The following MIB1 variants were observed in gnomAD, a reference collection of about 807,000 sequenced individuals.
MIB1 encodes the protein MIB E3 ubiquitin protein ligase 1.
Under a neutral mutation model 124.5 loss-of-function variants are expected in MIB1, and 278 were observed. That is an observed-to-expected ratio of 2.23 (90% confidence interval 2.02 to 2.47). MIB1 has a LOEUF of 2.47. Among genes scored for constraint, MIB1 ranks in the 30% most tolerant of loss-of-function variants. The probability of loss-of-function intolerance (pLI) is 0.00; values close to 1 mark genes in which losing one functional copy is unlikely to be tolerated. For missense variants in MIB1, 957 were observed against 1,254.4 expected, an observed-to-expected ratio of 0.76 and a Z score of 3.58; for synonymous variants, 446 against 429.4, an observed-to-expected ratio of 1.04 and a Z score of -0.48.
chr18:21,815,535 C>T, intron 10 of MIB1, 81 bp from the exon 11 acceptor site: 1 of 1,239,252 alleles, frequency 8.1e-7, no homozygotes, highest in Non-Finnish European at 1.1e-6. Context: ...AATTAATCTG[C>T]TTCTTGGTAT....
chr18:21,707,986 C>G (rs930540281), intron 1 of MIB1, among the ~76,000 whole-genome samples: 2 of 152,100 alleles, frequency 1.3e-5, no homozygotes, highest in African/African-American at 2.4e-5. Flanking sequence ...TCAGGAAGCT[C>G]TGATGTCTCT....
chr18:21,811,205 A>G (rs776927039), intron 10 of MIB1, among the ~76,000 whole-genome samples: 9 of 152,158 alleles, frequency 5.9e-5, no homozygotes, highest in Non-Finnish European at 1.0e-4. Context: ...GCTGTTATCA[A>G]AACAACCAGA....
intron 1 of MIB1, among the ~76,000 whole-genome samples, chr18:21,706,954 A>G (rs983201758): frequency 1.3e-5 from 2 of 152,212 alleles, no homozygotes; most frequent in Admixed American, 6.5e-5. Context: ...TGTGGGATCC[A>G]CTAGGTGAAG....
chr18:21,821,511 C>T (rs540823798), intron 12 of MIB1, among the ~76,000 whole-genome samples: 1 of 152,044 alleles, frequency 6.6e-6, no homozygotes, highest in Non-Finnish European at 1.5e-5. Context: ...TCTTAACCGT[C>T]TTTCTTCCAG....
chr18:21,791,480 G>A lies in MIB1; in HGVS notation c.1015G>A (p.Val339Ile). 4.3e-6 allele frequency: 7 copies of A among 1,614,096 alleles called. No individual in the cohort carries two copies. Among genetic ancestry groups the A allele is most frequent in the Non-Finnish European group, 5.1e-6 (6 of 1,179,984 alleles). ...GTSQFQVGDL[V>I]QVCYDLERIK... ...CTCGCAGTTTCAAGTGGGTGATCTT[G>A]TACAAGTTTGTTATGACCTGGAACG... The change falls in exon 7 of 21, where the codon GTA becomes ATA. Residue 339 changes from valine (V) to isoleucine (I), a missense_variant. Transcript: ENST00000261537.
At position 21,743,267 on chromosome 18, in the gene MIB1, G is replaced by A. The variant is rs907759883; in HGVS notation, c.229+1455G>A. Among the ~76,000 whole-genome samples, 74 of 152,166 alleles carry A rather than the reference G, an allele frequency of 4.9e-4. 3 individuals carry two copies. Among genetic ancestry groups the A allele is most frequent in the Non-Finnish European group, 1.2e-4 (8 of 68,036 alleles). On this transcript the variant is annotated intron_variant, in intron 1 of 20. Coordinates refer to ENST00000261537, the MANE Select transcript of MIB1 (RefSeq NM_020774.4). ...ATCTAATCCCCTTTTAAGTGCAAAT[G>A]ATAATAAACTATATTCACTCCTCTG...
chr18:21,767,533 T>G (rs2041175772), intron 2 of MIB1, among the ~76,000 whole-genome samples: 1 of 152,056 alleles, frequency 6.6e-6, no homozygotes, highest in South Asian at 2.1e-4. Context: ...ACTCTTAAAT[T>G]TTTGAATAAT....
rs747629995 is a variant in MIB1, at chr18:21,857,150, A to T, written c.2686A>T (p.Lys896Ter). ...TCCAGACTGTGCTAACCTGATGAAAAAGTGTGTGCAGTGTCGAGCAGTAGT... is the reference window on the plus strand; with the variant it reads ...TCCAGACTGTGCTAACCTGATGAAATAGTGTGTGCAGTGTCGAGCAGTAGT... ...ACENCANLMK[K>*]CVQCRAVVER... The change falls in exon 19 of 21, where the codon AAG (lysine) becomes TAG (stop). Residue 896 changes from lysine (K) to a stop codon, truncating the protein, a stop_gained. Transcript: ENST00000261537. LOFTEE classifies it high-confidence loss of function. 6.2e-7 allele frequency: 1 copy of T among 1,614,062 alleles called. No homozygotes were observed.
chr18:21,818,795 C>T (rs1326042681), intron 11 of MIB1, among the ~76,000 whole-genome samples: 1 of 152,010 alleles, frequency 6.6e-6, no homozygotes, highest in Non-Finnish European at 1.5e-5. Flanking sequence ...ATTAGCTGGG[C>T]ATGGTGGTGG....
rs1004382497 is a variant in MIB1, at chr18:21,868,065, T to G, written c.*3399T>G. 1 of 152,084 alleles carries G rather than the reference T, an allele frequency of 6.6e-6. No individual in the cohort carries two copies. The highest frequency in any genetic ancestry group is 2.4e-5 in the African/African-American group (1 of 41,442). The allele number at this position is 152,084 out of a possible 1,614,324, so 9.4% of individuals were successfully genotyped here. A position where few individuals can be genotyped will look rare whatever the true frequency, so the allele number is the denominator to read the frequency against. ...ATCCTATCAGAATGTCTACCATGTT[T>G]TATAGTAATAATTTGTGTAAAAAAT... is the stretch of plus-strand genomic sequence containing the variant. On this transcript the variant is annotated 3_prime_UTR_variant, in exon 21 of 21. Coordinates refer to ENST00000261537, the MANE Select transcript of MIB1 (RefSeq NM_020774.4).
At chr18:21,851,572 T>C (rs1374411529) in intron 17 of MIB1, among the ~76,000 whole-genome samples, 1 of 152,068 alleles carries the variant, frequency 6.6e-6, no homozygotes, top group African/African-American at 2.4e-5. Flanking sequence ...GAAAAACAAA[T>C]TACAGTATTT....
chr18:21,800,470 A>G (rs576520312), intron 9 of MIB1, among the ~76,000 whole-genome samples: 3 of 152,118 alleles, frequency 2.0e-5, no homozygotes, highest in Non-Finnish European at 4.4e-5. Flanking sequence ...ATTAAAGGCC[A>G]TATATTTTAT....
chr18:21,730,992 G>T (rs2040766959), intron 1 of MIB1, among the ~76,000 whole-genome samples: 1 of 152,132 alleles, frequency 6.6e-6, no homozygotes, highest in Non-Finnish European at 1.5e-5. Flanking sequence ...CTTTTACCTA[G>T]AAATTTGGAG....
chr18:21,736,013 C>T (rs911914887), upstream of MIB1, among the ~76,000 whole-genome samples: 2 of 152,224 alleles, frequency 1.3e-5, no homozygotes, highest in East Asian at 3.8e-4. Flanking sequence ...CCCAGCACAG[C>T]GTTCGAGCTC....
rs973858629 is a variant in MIB1, at chr18:21,782,907, T to C, written c.908+3222T>C. Among the ~76,000 whole-genome samples, 4 of 152,188 alleles carry C rather than the reference T, an allele frequency of 2.6e-5. No individual in the cohort carries two copies. The East Asian group carries it at 7.7e-4, about 29-fold the overall frequency. ...CTACTGTTAAAGATATTGCAGTGTATCTTTCCCTTTAGATCTATTGATGTT... is the reference window on the plus strand; with the variant it reads ...CTACTGTTAAAGATATTGCAGTGTACCTTTCCCTTTAGATCTATTGATGTT... On this transcript the variant is annotated intron_variant, in intron 6 of 20. Coordinates refer to ENST00000261537, the MANE Select transcript of MIB1 (RefSeq NM_020774.4).
intron 10 of MIB1, among the ~76,000 whole-genome samples, chr18:21,806,194 T>C (rs546163582): frequency 6.6e-6 from 1 of 151,414 alleles, no homozygotes; most frequent in Non-Finnish European, 1.5e-5. Flanking sequence ...ATGAGCCCCA[T>C]GCCTGGCCAG....
intron 6 of MIB1, among the ~76,000 whole-genome samples, chr18:21,784,092 A>G: frequency 7.1e-6 from 1 of 140,376 alleles, no homozygotes; most frequent in Non-Finnish European, 1.5e-5. Flanking sequence ...CTATGTCACC[A>G]GGCTGGAGTG....
At chr18:21,751,522 A>G (rs1008447802) in intron 1 of MIB1, among the ~76,000 whole-genome samples, 1 of 152,072 alleles carries the variant, frequency 6.6e-6, no homozygotes, top group African/African-American at 2.4e-5. Flanking sequence ...TCTGCCTCCC[A>G]AAGTGCTGGG....
At chr18:21,839,856 T>C (rs1226325773) in intron 13 of MIB1, among the ~76,000 whole-genome samples, 1 of 152,196 alleles carries the variant, frequency 6.6e-6, no homozygotes, top group Non-Finnish European at 1.5e-5. Context: ...CTTGCACATA[T>C]TAGATTTGTT....
Sources: allele counts gnomAD v4.1 joint callset (sites outside exome capture counted in the v4.1 genomes callset), GRCh38; gene constraint gnomAD v4.1.1; transcripts MANE v1.5; gene names NCBI Gene and HGNC (gene_info 2026-07-23, HGNC 2026-07-21).